The following MYLK2 variants were observed in gnomAD, a reference collection of about 807,000 sequenced individuals.
The protein encoded by MYLK2 is myosin light chain kinase 2, skeletal/cardiac muscle.
A neutral mutation model predicts 58.2 loss-of-function variants in MYLK2; 27 were observed. The ratio of observed to expected loss-of-function variants is 0.46; its 90% confidence interval spans 0.34 to 0.64. The LOEUF (loss-of-function observed/expected upper bound fraction) is 0.64. Among genes scored for constraint, MYLK2 ranks in the 30% least tolerant of loss-of-function variants. The pLI, the probability that MYLK2 is intolerant of heterozygous loss-of-function variation, is 0.01. For synonymous variants in MYLK2, 310 were observed against 296.7 expected (o/e 1.04, Z -0.46); for missense variants, 676 against 764.3 (o/e 0.88, Z 1.36).
At chr20:31,831,892 A>G in intron 11 of MYLK2, 37 bp downstream of exon 11, 3 of 1,613,990 alleles carry the variant, frequency 1.9e-6, no homozygotes, top group Non-Finnish European at 2.5e-6. Flanking sequence ...GTATGTGTGC[A>G]AGCTTAGTGT....
rs368956463 is a variant in MYLK2 at position 31,826,751 on chromosome 20, G to T, written c.1082+37G>T. On this transcript the variant is annotated intron_variant, in intron 7 of 12. Coordinates refer to ENST00000375985, the MANE Select transcript of MYLK2 (RefSeq NM_033118.4). Reference sequence around the variant, plus strand: ...AAGTAGTGGTAGGGGCTGGGTGGGGGTACCACCAGGCACGGAGCAAGCCGT... The same window carrying T: ...AAGTAGTGGTAGGGGCTGGGTGGGGTTACCACCAGGCACGGAGCAAGCCGT... 38 of 1,613,902 alleles carry T rather than the reference G, an allele frequency of 2.4e-5. No individual in the cohort carries two copies. The African/African-American group carries it at 4.3e-4, about 18-fold the overall frequency.
chr20:31,828,048 C>T (rs1454131206), intron 8 of MYLK2: 6 of 314,334 alleles, frequency 1.9e-5, no homozygotes, highest in Non-Finnish European at 2.3e-5. Context: ...CCACCATGCC[C>T]GGCTAATTTT....
At chr20:31,831,510 G>C (rs1375745484) in intron 10 of MYLK2, among the ~76,000 whole-genome samples, 193 bp from the exon 11 acceptor site, 1 of 152,082 alleles carries the variant, frequency 6.6e-6, no homozygotes, top group Non-Finnish European at 1.5e-5. Context: ...AGAAGAGTGA[G>C]GCTCAGAGAG....
In MYLK2 at chr20:31,827,643, C is replaced by T. The variant is rs193252863; in HGVS notation, c.1224+705C>T. On this transcript the variant is annotated intron_variant, in intron 8 of 12. Coordinates refer to ENST00000375985, the MANE Select transcript of MYLK2 (RefSeq NM_033118.4). Reference sequence around the variant, plus strand: ...AAGCGATTCTCCTGCCTCAGCCTCCCGAGTAGCTGGGATTACAGACACCTG... The same window carrying T: ...AAGCGATTCTCCTGCCTCAGCCTCCTGAGTAGCTGGGATTACAGACACCTG... The T allele has an allele frequency of 5.9e-5, 41 of 700,432 alleles. 1 individual carries two copies. The East Asian group carries it at 3.4e-3, about 58-fold the overall frequency. 43.4% of individuals were successfully genotyped at this position (700,432 alleles called of 1,614,324 possible).
intron 4 of MYLK2, among the ~76,000 whole-genome samples, chr20:31,822,667 G>A (rs2062257203): frequency 6.6e-6 from 1 of 152,096 alleles, no homozygotes; most frequent in South Asian, 2.1e-4. Flanking sequence ...CCTGCCTCCA[G>A]GCTGAAGTGC....
intron 5 of MYLK2, 180 bp from the exon 6 acceptor site, chr20:31,824,079 G>A (rs1335870341): frequency 3.0e-6 from 3 of 985,306 alleles, no homozygotes; most frequent in Non-Finnish European, 2.4e-6. Context: ...CCATTGTCCT[G>A]GCAGAACAGC....
At chr20:31,831,660 C>G in intron 10 of MYLK2, 43 bp from the exon 11 acceptor site, 1 of 1,611,336 alleles carries the variant, frequency 6.2e-7, no homozygotes, top group South Asian at 1.1e-5. Context: ...GACTCAGCAC[C>G]TCCAATCTCA....
intron 8 of MYLK2, chr20:31,827,367 T>C: frequency 2.0e-6 from 2 of 985,258 alleles, no homozygotes; most frequent in Non-Finnish European, 2.4e-6. Context: ...GCCTACTTTA[T>C]GCCAGGCAAT....
rs755753841 is a variant in MYLK2 at position 31,826,807 on chromosome 20, G to A, written c.1093G>A (p.Gly365Arg). ...GGTCTGTGCACACAGCATCGAGGGC[G>A]GAGAGCTCTTCGAGAGGATTGTGGA... Reference protein sequence around the residue: ...IVLFMEYIEGGELFERIVDED... With the variant: ...IVLFMEYIEGRELFERIVDED... The change falls in exon 8 of 13, where the codon GGA becomes AGA. Residue 365 changes from glycine (G) to arginine (R), a missense_variant. Gly to Arg is a moderately radical substitution (Grantham distance 125). This residue lies in a region of MYLK2 where 370 missense variants were observed against 467.8 expected (regional missense o/e 0.79). Transcript: ENST00000375985. 15 of 1,614,002 alleles carry A rather than the reference G, an allele frequency of 9.3e-6. No individual in the cohort carries two copies. Among genetic ancestry groups the A allele is most frequent in the East Asian group, 2.2e-5 (1 of 44,888 alleles).
intron 6 of MYLK2, chr20:31,824,586 T>A: frequency 9.1e-6 from 9 of 984,056 alleles, no homozygotes; most frequent in Non-Finnish European, 1.1e-5. Flanking sequence ...ACTTCCCTTT[T>A]AGGCATGGGA....
Position 31,821,728 on chromosome 20 carries a change from C to T in MYLK2, c.763C>T (p.Gln255Ter). Reference sequence around the variant, plus strand: ...CACAGCCAGGGAGGAGGACTGCTTCCAGATTTTGGGTAGGCCAGGGGCAGG... The same window carrying T: ...CACAGCCAGGGAGGAGGACTGCTTCTAGATTTTGGGTAGGCCAGGGGCAGG... ...CLTAREEDCF[Q>*]ILDDCPPPPA... The change falls in exon 4 of 13, where the codon CAG (glutamine) becomes TAG (stop). Residue 255 changes from glutamine (Q) to a stop codon, truncating the protein, a stop_gained. Coordinates refer to ENST00000375985, the MANE Select transcript of MYLK2 (RefSeq NM_033118.4). LOFTEE classifies it high-confidence loss of function. 1 of 1,598,994 alleles carries T rather than the reference C, an allele frequency of 6.3e-7. No homozygotes were observed. The highest frequency in any genetic ancestry group is 8.5e-7 in the Non-Finnish European group (1 of 1,170,344).
intron 5 of MYLK2, chr20:31,824,044 G>A (rs2062266009): frequency 2.0e-6 from 2 of 985,324 alleles, no homozygotes; most frequent in African/African-American, 1.7e-5. Context: ...CACGTGGTCT[G>A]TGTGGTTCAA....
In MYLK2 at chr20:31,827,761, C is replaced by T. The variant is rs138114500; in HGVS notation, c.1224+823C>T. On this transcript the variant is annotated intron_variant, in intron 8 of 12. Coordinates refer to ENST00000375985, the MANE Select transcript of MYLK2 (RefSeq NM_033118.4). ...CTTGAACTCCAGACCTCAAGTGATC[C>T]GCCCACCTCGGCCTCCCAAAGTGCT... Among the ~76,000 whole-genome samples the T allele has an allele frequency of 4.8e-3, 724 of 151,866 alleles. 10 individuals are homozygous for T. Among genetic ancestry groups the T allele is most frequent in the African/African-American group, 0.016 (668 of 41,400 alleles).
chr20:31,820,559 T>C lies in MYLK2; in HGVS notation c.473+13T>C, dbSNP rs1020699343. Reference sequence around the variant, plus strand: ...CCATCATCTCCAGGTGAATATCCCCTCCTGGGAGTGGGGAGGGGTCCTGTG... The same window carrying C: ...CCATCATCTCCAGGTGAATATCCCCCCCTGGGAGTGGGGAGGGGTCCTGTG... On this transcript the variant is annotated intron_variant, in intron 3 of 12. Coordinates refer to ENST00000375985, the MANE Select transcript of MYLK2 (RefSeq NM_033118.4). 1.2e-5 allele frequency: 19 copies of C among 1,599,202 alleles called. No homozygotes were observed. The highest frequency in any genetic ancestry group is 2.2e-5 in the East Asian group (1 of 44,882).
rs1009878332 is a variant in MYLK2, at chr20:31,833,585, C to T, written c.1711-132C>T. 7 of 807,348 alleles carry T rather than the reference C, an allele frequency of 8.7e-6. No individual in the cohort carries two copies. In the African/African-American group the frequency reaches 1.2e-4, roughly 14 times the overall value. 50.0% of individuals were successfully genotyped at this position (807,348 alleles called of 1,614,324 possible). A position where few individuals can be genotyped will look rare whatever the true frequency, so the allele number is the denominator to read the frequency against. ...TACAGTGTCATGGCGCCTCCCGTGG[C>T]CATTTTGGGCACTGCACCTTCTCTA... On this transcript the variant is annotated intron_variant, in intron 12 of 12. Coordinates refer to ENST00000375985, the MANE Select transcript of MYLK2 (RefSeq NM_033118.4).
At chr20:31,832,987 A>G (rs2062314231) in intron 12 of MYLK2, among the ~76,000 whole-genome samples, 1 of 152,126 alleles carries the variant, frequency 6.6e-6, no homozygotes, top group Non-Finnish European at 1.5e-5. Flanking sequence ...TTCTGGGCTC[A>G]AGTGATCCTC....
intron 12 of MYLK2, among the ~76,000 whole-genome samples, chr20:31,832,347 C>T (rs1464316821): frequency 6.6e-6 from 1 of 152,212 alleles, no homozygotes; most frequent in African/African-American, 2.4e-5. Flanking sequence ...CAGCCCCACC[C>T]ATCTGGGGCT....
chr20:31,819,443 T>G lies in MYLK2; in HGVS notation c.-49+15T>G. The G allele has an allele frequency of 2.5e-6, 3 of 1,179,796 alleles. No homozygotes were observed. In the Admixed American group the frequency reaches 6.0e-5, roughly 24 times the overall value. 73.1% of individuals were successfully genotyped at this position (1,179,796 alleles called of 1,614,324 possible). ...CTTTGCTCCAGGTACCTCTCTCCCC[T>G]CAGTTAGCAGGCCTCGGCTTCCTGT... On this transcript the variant is annotated intron_variant, in intron 1 of 12. Coordinates refer to ENST00000375985, the MANE Select transcript of MYLK2 (RefSeq NM_033118.4).
At chr20:31,831,235 T>G in intron 10 of MYLK2, 94 bp downstream of exon 10, 1 of 1,566,554 alleles carries the variant, frequency 6.4e-7, no homozygotes, top group South Asian at 1.1e-5. Flanking sequence ...GGTAAGGTGG[T>G]CCCACCTCCC....
Sources: gnomAD v4.1 joint callset for allele counts (sites outside exome capture counted in the v4.1 genomes callset) on GRCh38, gnomAD v4.1.1 for gene constraint, gnomAD v4.1.1 regional missense constraint, MANE v1.5 for transcripts, NCBI Gene and HGNC (gene_info 2026-07-23, HGNC 2026-07-21) for gene names.